AUTS2: variants seen among roughly 807,000 people sequenced by gnomAD.
The protein encoded by AUTS2 is activator of transcription and developmental regulator AUTS2.
In AUTS2, 17 loss-of-function variants were observed where a neutral mutation model predicts 112.4. That is an observed-to-expected ratio of 0.15 (90% CI 0.10 to 0.23). The LOEUF (loss-of-function observed/expected upper bound fraction) is 0.23. Ranked by LOEUF, AUTS2 falls within the 10% of genes least tolerant of loss-of-function variation. The probability of loss-of-function intolerance (pLI) is 1.00; values close to 1 mark genes in which losing one functional copy is unlikely to be tolerated. For synonymous variants in AUTS2, 751 were observed against 702.7 expected (o/e 1.07, Z -1.09); for missense variants, 1,510 against 1,701.6 (o/e 0.89, Z 1.98).
intron 14 of AUTS2, 109 bp downstream of exon 14, chr7:70,777,283 A>ATAGTT (rs963912506): frequency 2.1e-6 from 2 of 968,600 alleles, no homozygotes; most frequent in African/African-American, 1.6e-5. Flanking sequence ...TTACAGACCC[A>ATAGTT]TAGTTAGGAA....
chr7:70,642,595 G>A (rs1019653952), intron 5 of AUTS2, among the ~76,000 whole-genome samples: 5 of 152,078 alleles, frequency 3.3e-5, no homozygotes, highest in Admixed American at 2.6e-4. Context: ...CAGCTTTGCC[G>A]AGCCTTAACC....
At chr7:69,801,174 A>G (rs887664362) in intron 1 of AUTS2, among the ~76,000 whole-genome samples, 1 of 151,030 alleles carries the variant, frequency 6.6e-6, no homozygotes, top group African/African-American at 2.4e-5. Context: ...TTTTGACTGA[A>G]TAAAAGCATA....
chr7:69,975,952 A>C (rs1007405640), intron 2 of AUTS2, among the ~76,000 whole-genome samples: 1 of 152,200 alleles, frequency 6.6e-6, no homozygotes, highest in African/African-American at 2.4e-5. Context: ...TGCTCTGATT[A>C]CAGGCTTGAA....
chr7:70,740,820 G>A (rs576823920), intron 6 of AUTS2, among the ~76,000 whole-genome samples: 75 of 152,198 alleles, frequency 4.9e-4, no homozygotes, highest in African/African-American at 1.3e-3. Context: ...TGGGCCAGGC[G>A]CAGTGGCTCA....
At chr7:69,857,427 G>A (rs533895699) in intron 1 of AUTS2, among the ~76,000 whole-genome samples, 12 of 152,218 alleles carry the variant, frequency 7.9e-5, no homozygotes, top group African/African-American at 2.6e-4. Flanking sequence ...TCTGGCATTC[G>A]ACCTGCCTGC....
At chr7:69,798,391 C>T (rs1476724522) in intron 1 of AUTS2, among the ~76,000 whole-genome samples, 1 of 152,090 alleles carries the variant, frequency 6.6e-6, no homozygotes, top group Non-Finnish European at 1.5e-5. Context: ...GTTGCATTAC[C>T]CCCTCTTCAG....
At chr7:70,640,381 A>G (rs1039105104) in intron 5 of AUTS2, among the ~76,000 whole-genome samples, 5 of 150,600 alleles carry the variant, frequency 3.3e-5, no homozygotes, top group Non-Finnish European at 7.4e-5. Context: ...ACTCATTTAG[A>G]ACAAGTTGAA....
intron 1 of AUTS2, among the ~76,000 whole-genome samples, chr7:69,759,871 TA>T (rs1449856023): frequency 7.0e-6 from 1 of 143,494 alleles, no homozygotes; most frequent in African/African-American, 2.6e-5. Flanking sequence ...TTACTGGCCA[TA>T]AAGGTTCAGT....
At chr7:70,404,732 C>T (rs1044308911) in intron 4 of AUTS2, among the ~76,000 whole-genome samples, 5 of 152,130 alleles carry the variant, frequency 3.3e-5, no homozygotes, top group African/African-American at 1.2e-4. Flanking sequence ...GTTGTATGTG[C>T]CTGCTTGTTG....
intron 2 of AUTS2, among the ~76,000 whole-genome samples, chr7:69,903,771 G>A (rs543981299): frequency 2.4e-4 from 37 of 152,284 alleles, no homozygotes; most frequent in African/African-American, 8.9e-4. Flanking sequence ...AGAGGAAAAT[G>A]GAGGAATTTG....
chr7:70,611,090 A>G (rs1163480286), intron 5 of AUTS2, among the ~76,000 whole-genome samples: 2 of 152,200 alleles, frequency 1.3e-5, no homozygotes, highest in East Asian at 3.9e-4. Context: ...GGAGTTTTAC[A>G]GCTTCAGGTC....
intron 2 of AUTS2, among the ~76,000 whole-genome samples, chr7:70,003,215 T>TATATATGAATATATTATATATGAATATAA (rs1563029289): frequency 6.0e-5 from 8 of 133,174 alleles, no homozygotes; most frequent in South Asian, 2.2e-4. Flanking sequence ...TATGAATATA[T>TATATATGAATATATTATATATGAATATAA]TATATATGAA....
chr7:70,465,048 C>T (rs1271128528), intron 5 of AUTS2, among the ~76,000 whole-genome samples: 2 of 152,108 alleles, frequency 1.3e-5, no homozygotes. Flanking sequence ...AAGAGAAAAT[C>T]AAGAAAGTAC....
At chr7:69,624,981 C>T (rs1329693903) in intron 1 of AUTS2, among the ~76,000 whole-genome samples, 2 of 135,142 alleles carry the variant, frequency 1.5e-5, no homozygotes, top group Non-Finnish European at 3.1e-5. Context: ...CTCAAAGGTG[C>T]CAGTAACAGA....
intron 5 of AUTS2, among the ~76,000 whole-genome samples, chr7:70,510,322 C>T (rs1563004542): frequency 6.6e-6 from 1 of 152,204 alleles, no homozygotes; most frequent in African/African-American, 2.4e-5. Context: ...TTTCTCATTC[C>T]ATTAGATTTT....
chr7:70,352,558 A>C (rs1791816669), intron 4 of AUTS2, among the ~76,000 whole-genome samples: 1 of 152,074 alleles, frequency 6.6e-6, no homozygotes, highest in Admixed American at 6.5e-5. Flanking sequence ...CTTGTCCCCA[A>C]GGAGGGAGTC....
chr7:69,913,068 A>G (rs1795429605), intron 2 of AUTS2, among the ~76,000 whole-genome samples: 1 of 152,144 alleles, frequency 6.6e-6, no homozygotes, highest in African/African-American at 2.4e-5. Context: ...CTCTCTGTAA[A>G]CACCAAGCTG....
chr7:70,389,654 G>A (rs542734463), intron 4 of AUTS2, among the ~76,000 whole-genome samples: 4 of 151,540 alleles, frequency 2.6e-5, no homozygotes, highest in African/African-American at 9.7e-5. Context: ...AACATTTTAT[G>A]TGCCATGTGC....
At chr7:69,884,840 G>T (rs1054690904) in intron 1 of AUTS2, among the ~76,000 whole-genome samples, 7 of 152,178 alleles carry the variant, frequency 4.6e-5, no homozygotes, top group African/African-American at 1.7e-4. Context: ...AACCGTAATT[G>T]TAGGGTCTAA....
Sources: allele counts gnomAD v4.1 joint callset (sites outside exome capture counted in the v4.1 genomes callset), GRCh38; gene constraint gnomAD v4.1.1; transcripts MANE v1.5; gene names NCBI Gene and HGNC (gene_info 2026-07-23, HGNC 2026-07-21).